Variants in PDE4D observed in about 807,000 individuals in gnomAD.
PDE4D encodes the protein phosphodiesterase 4D, also known as 3',5'-cyclic-AMP phosphodiesterase 4D.
Under a neutral mutation model 87.4 loss-of-function variants are expected in PDE4D, and 24 were observed. The observed-to-expected ratio is 0.27, with a 90% confidence interval of 0.20 to 0.39. The LOEUF is 0.39. Ranked by LOEUF, PDE4D falls within the 10% of genes least tolerant of loss-of-function variation. PDE4D has a pLI of 1.00. For synonymous variants in PDE4D, 384 were observed against 383.2 expected, an observed-to-expected ratio of 1.00 and a Z score of -0.02; for missense variants, 714 against 1,041.0, an observed-to-expected ratio of 0.69 and a Z score of 4.32.
At chr5:60,288,253 T>C (rs1179078842) in intron 1 of PDE4D, among the ~76,000 whole-genome samples, 1 of 152,202 alleles carries the variant, frequency 6.6e-6, no homozygotes, top group Non-Finnish European at 1.5e-5. Context: ...ATACCGATGA[T>C]CTTACATCAA....
At chr5:60,457,849 T>C (rs1384467836) in intron 1 of PDE4D, among the ~76,000 whole-genome samples, 1 of 152,244 alleles carries the variant, frequency 6.6e-6, no homozygotes, top group Non-Finnish European at 1.5e-5. Flanking sequence ...TGCTGCTTAA[T>C]AGGCATGGTT....
intron 1 of PDE4D, among the ~76,000 whole-genome samples, chr5:59,469,025 T>C (rs144193048): frequency 0.016 from 2,410 of 152,150 alleles, 84 homozygotes; most frequent in African/African-American, 0.056. Flanking sequence ...GGTACTAACA[T>C]AGATATAAAA....
At chr5:58,984,411 A>G (rs1455861786) in intron 11 of PDE4D, among the ~76,000 whole-genome samples, 2 of 152,200 alleles carry the variant, frequency 1.3e-5, no homozygotes, top group East Asian at 3.8e-4. Context: ...AAGTGCCTGA[A>G]ATAATATTTA....
chr5:59,532,168 A>G (rs1258465391), intron 1 of PDE4D, among the ~76,000 whole-genome samples: 1 of 151,938 alleles, frequency 6.6e-6, no homozygotes, highest in Non-Finnish European at 1.5e-5. Flanking sequence ...ATGGAATATC[A>G]CTCTCACCCA....
chr5:59,325,981 G>A (rs1008210053), intron 1 of PDE4D, among the ~76,000 whole-genome samples: 3 of 152,038 alleles, frequency 2.0e-5, no homozygotes, highest in African/African-American at 7.2e-5. Context: ...CATGGATGAA[G>A]CTGGAAACTA....
At chr5:59,897,250 C>T (rs939567691), upstream of PDE4D, among the ~76,000 whole-genome samples, 6 of 152,056 alleles carry the variant, frequency 3.9e-5, no homozygotes, top group Non-Finnish European at 8.8e-5. Flanking sequence ...CCAAAAGATA[C>T]AATCAATCAC....
At chr5:60,248,170 C>G (rs1228053265) in intron 1 of PDE4D, among the ~76,000 whole-genome samples, 1 of 151,880 alleles carries the variant, frequency 6.6e-6, no homozygotes, top group Non-Finnish European at 1.5e-5. Flanking sequence ...CACAGAACCT[C>G]TCTTTTTAAG....
At chr5:60,342,962 C>T (rs1304144717) in intron 1 of PDE4D, among the ~76,000 whole-genome samples, 2 of 152,276 alleles carry the variant, frequency 1.3e-5, no homozygotes, top group South Asian at 4.1e-4. Context: ...TGTCAAGCTT[C>T]TATTCCTTTA....
intron 1 of PDE4D, among the ~76,000 whole-genome samples, chr5:60,294,743 A>C (rs1413524637): frequency 1.3e-5 from 2 of 152,150 alleles, no homozygotes; most frequent in East Asian, 3.9e-4. Context: ...AAACCTCATA[A>C]TCTTTAATAC....
At chr5:59,588,556 T>C (rs1825517025) in intron 1 of PDE4D, among the ~76,000 whole-genome samples, 1 of 152,234 alleles carries the variant, frequency 6.6e-6, no homozygotes, top group East Asian at 1.9e-4. Flanking sequence ...GGTCCTGTCA[T>C]TGCAGAAAAT....
At chr5:59,963,277 T>C (rs1267055492) in intron 3 of PDE4D, among the ~76,000 whole-genome samples, 1 of 152,130 alleles carries the variant, frequency 6.6e-6, no homozygotes, top group East Asian at 1.9e-4. Flanking sequence ...GGAAGTCAGA[T>C]TTGATTTCCC....
At chr5:60,029,856 T>C (rs1485325196) in intron 2 of PDE4D, among the ~76,000 whole-genome samples, 2 of 152,136 alleles carry the variant, frequency 1.3e-5, no homozygotes, top group Middle Eastern at 3.4e-3. Flanking sequence ...ATGGAGTGAG[T>C]TGTGGATGTG....
intron 1 of PDE4D, among the ~76,000 whole-genome samples, chr5:60,446,883 A>G (rs141856625): frequency 1.3e-5 from 2 of 152,142 alleles, no homozygotes; most frequent in African/African-American, 2.4e-5. Context: ...GAGGAAAACT[A>G]CAGGTAGTTA....
At chr5:59,821,260 A>G (rs1165882765) in intron 1 of PDE4D, among the ~76,000 whole-genome samples, 1 of 151,886 alleles carries the variant, frequency 6.6e-6, no homozygotes, top group Non-Finnish European at 1.5e-5. Context: ...CAACAACAAC[A>G]ACAACAACAA....
At chr5:59,656,207 C>T (rs138397857) in intron 1 of PDE4D, among the ~76,000 whole-genome samples, 10 of 152,214 alleles carry the variant, frequency 6.6e-5, no homozygotes, top group South Asian at 4.1e-4. Context: ...ATGCACAGGA[C>T]ATTCAAATAT....
intron 1 of PDE4D, among the ~76,000 whole-genome samples, chr5:60,347,465 A>G (rs1758830452): frequency 6.6e-6 from 1 of 152,192 alleles, no homozygotes; most frequent in South Asian, 2.1e-4. Flanking sequence ...ACTTTAAAAG[A>G]TCACCCTGAC....
intron 1 of PDE4D, among the ~76,000 whole-genome samples, chr5:59,350,124 G>A (rs998365880): frequency 4.6e-5 from 7 of 152,122 alleles, no homozygotes; most frequent in Admixed American, 1.3e-4. Context: ...TTTTAGACTT[G>A]TAAGTAAAAT....
chr5:59,997,873 C>T (rs1239551925), intron 2 of PDE4D, among the ~76,000 whole-genome samples: 1 of 152,170 alleles, frequency 6.6e-6, no homozygotes, highest in Non-Finnish European at 1.5e-5. Flanking sequence ...TTACTATTCC[C>T]ATGATACAGA....
intron 1 of PDE4D, among the ~76,000 whole-genome samples, chr5:59,570,516 A>C (rs1454991548): frequency 2.0e-5 from 3 of 152,230 alleles, no homozygotes; most frequent in African/African-American, 7.2e-5. Flanking sequence ...AATGCAGATG[A>C]GAGATTTCCT....
Sources: gnomAD v4.1 joint callset for allele counts (sites outside exome capture counted in the v4.1 genomes callset) on GRCh38, gnomAD v4.1.1 for gene constraint, MANE v1.5 for transcripts, NCBI Gene and HGNC (gene_info 2026-07-23, HGNC 2026-07-21) for gene names.